The following TM2D1 variants were observed in gnomAD, a reference collection of about 807,000 sequenced individuals.
The protein encoded by TM2D1 is TM2 domain-containing protein 1.
In TM2D1, 15 loss-of-function variants were observed where a neutral mutation model predicts 28.4. That is an observed-to-expected ratio of 0.53 (90% CI 0.35 to 0.81). TM2D1 has a LOEUF of 0.81. Ranked by LOEUF, TM2D1 falls within the 40% of genes least tolerant of loss-of-function variation. The pLI is 0.01. For synonymous variants in TM2D1, 93 were observed against 96.2 expected (o/e 0.97, Z 0.20); for missense variants, 236 against 254.9 (o/e 0.93, Z 0.50).
intron 2 of TM2D1, among the ~76,000 whole-genome samples, chr1:61,720,613 T>C (rs1234696165): frequency 6.6e-6 from 1 of 152,074 alleles, no homozygotes; most frequent in Non-Finnish European, 1.5e-5. Context: ...AGCAGATGCC[T>C]GCCACGTAAT....
chr1:61,723,843 C>A lies in TM2D1; in HGVS notation c.165-57G>T, dbSNP rs371120195. On this transcript the variant is annotated intron_variant, in intron 1 of 6. Coordinates refer to ENST00000606498, the MANE Select transcript of TM2D1 (RefSeq NM_032027.3). Reference sequence around the variant, plus strand: ...CATTCCAACACAACACATTATCATGCCTTTACTATTCATATTATATACTCA... The same window carrying A: ...CATTCCAACACAACACATTATCATGACTTTACTATTCATATTATATACTCA... 2.2e-4 allele frequency: 177 copies of A among 811,864 alleles called. No individual in the cohort carries two copies. The Middle Eastern group carries it at 4.6e-3, about 21-fold the overall frequency. 50.3% of individuals were successfully genotyped at this position (811,864 alleles called of 1,614,324 possible). A position where few individuals can be genotyped will look rare whatever the true frequency, so the allele number is the denominator to read the frequency against.
At chr1:61,682,892 C>CA (rs66468339) in intron 6 of TM2D1, among the ~76,000 whole-genome samples, 6,064 of 59,974 alleles carry the variant, frequency 0.1, 457 homozygotes, top group African/African-American at 0.26. Flanking sequence ...GACTCTGTCT[C>CA]AAAAAAAAAA....
chr1:61,694,516 C>T (rs1301268175), intron 5 of TM2D1, 181 bp downstream of exon 5: 2 of 438,400 alleles, frequency 4.6e-6, no homozygotes, highest in Admixed American at 8.6e-5. Flanking sequence ...TGGTAGAGCA[C>T]AGTTTGAGAA....
chr1:61,697,786 A>C (rs2148045229), intron 4 of TM2D1: 1 of 152,130 alleles, frequency 6.6e-6, no homozygotes, highest in African/African-American at 2.4e-5. Flanking sequence ...TGTCACTATA[A>C]ATTTGTTAGT....
At chr1:61,716,883 G>A (rs1259026482) in intron 2 of TM2D1, among the ~76,000 whole-genome samples, 1 of 152,028 alleles carries the variant, frequency 6.6e-6, no homozygotes, top group East Asian at 1.9e-4. Context: ...CAGGAAAACT[G>A]AGGTTCTAAG....
chr1:61,683,497 G>T lies in TM2D1; in HGVS notation c.563C>A (p.Thr188Asn). 1 of 1,543,424 alleles carries T rather than the reference G, an allele frequency of 6.5e-7. No homozygotes were observed. The highest frequency in any genetic ancestry group is 1.3e-5 in the South Asian group (1 of 76,572). ...AGTAATACTCAGTCTTGTAAGTCTG[G>T]TTCCATAGTAATCTATAATGTAACT... ...GSSYIIDYYG[T>N]RLTRLSITNE... Residue 188 changes from threonine to asparagine, a missense_variant, in exon 6 of 7, where the codon ACC becomes AAC. This residue lies in a region of TM2D1 where 64 missense variants were observed against 73.1 expected (regional missense o/e 0.88). Coordinates refer to ENST00000606498, the MANE Select transcript of TM2D1 (RefSeq NM_032027.3).
chr1:61,699,152 G>C (rs1051254853), intron 4 of TM2D1: 2 of 152,112 alleles, frequency 1.3e-5, no homozygotes, highest in African/African-American at 4.8e-5. Flanking sequence ...AGAGCAGCCT[G>C]TGCAACACGG....
intron 3 of TM2D1, among the ~76,000 whole-genome samples, chr1:61,706,847 A>AAAGAAAGAAAGAAAGG (rs1644445287): frequency 6.6e-6 from 1 of 151,352 alleles, no homozygotes; most frequent in East Asian, 1.9e-4. Flanking sequence ...AGAAAGAAAG[A>AAAGAAAGAAAGAAAGG]AAGAAAGAAA....
At chr1:61,711,856 T>C (rs1474801573) in intron 2 of TM2D1, among the ~76,000 whole-genome samples, 1 of 152,126 alleles carries the variant, frequency 6.6e-6, no homozygotes, top group Non-Finnish European at 1.5e-5. Flanking sequence ...GAAATGTTGA[T>C]ATAAATTCTA....
chr1:61,694,163 T>G (rs1644347506), intron 5 of TM2D1: 1 of 152,170 alleles, frequency 6.6e-6, no homozygotes, highest in African/African-American at 2.4e-5. Context: ...TAGCTTAAGC[T>G]AGCTGGATTT....
intron 2 of TM2D1, among the ~76,000 whole-genome samples, chr1:61,721,912 C>T (rs541664097): frequency 2.1e-4 from 26 of 122,710 alleles, no homozygotes; most frequent in African/African-American, 8.0e-4. Context: ...GAGTTCAAGA[C>T]GAGGCTGGAC....
chr1:61,696,540 C>T (rs1213301728), intron 4 of TM2D1, among the ~76,000 whole-genome samples: 1 of 39,574 alleles, frequency 2.5e-5, no homozygotes, highest in Admixed American at 3.3e-4. Context: ...GCAACCTTGT[C>T]TCAAAAAAAA....
At chr1:61,691,362 G>A (rs1644322580) in intron 5 of TM2D1, among the ~76,000 whole-genome samples, 1 of 151,790 alleles carries the variant, frequency 6.6e-6, no homozygotes, top group Non-Finnish European at 1.5e-5. Flanking sequence ...GGGCATAGTG[G>A]TGCGTGCCTG....
chr1:61,697,285 T>G (rs140678888), intron 4 of TM2D1, among the ~76,000 whole-genome samples: 8 of 152,166 alleles, frequency 5.3e-5, no homozygotes, highest in African/African-American at 1.9e-4. Context: ...TAAGTTTAAA[T>G]GTGTTACTCC....
chr1:61,681,809 TGGGA>T (rs1644245281), intron 6 of TM2D1, among the ~76,000 whole-genome samples: 1 of 152,114 alleles, frequency 6.6e-6, no homozygotes, highest in Admixed American at 6.6e-5. Context: ...TGGGGTAGGA[TGGGA>T]GGAAGAGAAC....
At chr1:61,689,455 G>A (rs974044904) in intron 5 of TM2D1, among the ~76,000 whole-genome samples, 1 of 151,986 alleles carries the variant, frequency 6.6e-6, no homozygotes, top group Non-Finnish European at 1.5e-5. Flanking sequence ...AACCTTGATC[G>A]ATCTCTCAGG....
At chr1:61,686,731 C>T in intron 5 of TM2D1, 2 of 853,976 alleles carry the variant, frequency 2.3e-6, no homozygotes, top group Admixed American at 6.2e-5. Flanking sequence ...AATAAATGTG[C>T]CAATTCTAAC....
intron 2 of TM2D1, among the ~76,000 whole-genome samples, chr1:61,713,497 A>C (rs999315001): frequency 7.4e-5 from 10 of 136,030 alleles, no homozygotes; most frequent in Non-Finnish European, 8.9e-5. Flanking sequence ...ACAAAAAAAA[A>C]AAAAAAAAAA....
chr1:61,688,506 C>T lies in TM2D1; in HGVS notation c.514-4960G>A, dbSNP rs377621135. 8.5e-4 allele frequency among the ~76,000 whole-genome samples: 129 copies of T among 152,230 alleles called. 1 individual carries two copies. Among genetic ancestry groups the T allele is most frequent in the African/African-American group, 2.8e-3 (117 of 41,532 alleles). On this transcript the variant is annotated intron_variant, in intron 5 of 6. Transcript: ENST00000606498. ...TTGGGAGGCTGAGGCGGGCAGGTAA[C>T]GAGGTCAAGAGATCGAGACCATCCT...
Sources: allele counts gnomAD v4.1 joint callset (sites outside exome capture counted in the v4.1 genomes callset), GRCh38; gene constraint gnomAD v4.1.1; regional missense constraint gnomAD v4.1.1; transcripts MANE v1.5; gene names NCBI Gene and HGNC (gene_info 2026-07-23, HGNC 2026-07-21).